Variants in TOM1 observed in about 807,000 individuals in gnomAD.
TOM1 encodes target of myb1 membrane trafficking protein, also known as target of Myb protein 1.
A neutral mutation model predicts 61.3 loss-of-function variants in TOM1; 38 were observed. That is an observed-to-expected ratio of 0.62 (90% CI 0.48 to 0.81). The LOEUF is 0.81. TOM1 is among the 40% of genes least tolerant of loss of function. The probability of loss-of-function intolerance (pLI) is 0.00; values close to 1 mark genes in which losing one functional copy is unlikely to be tolerated. For synonymous variants in TOM1, 270 were observed against 268.8 expected, an observed-to-expected ratio of 1.00 and a Z score of -0.04; for missense variants, 591 against 659.6, an observed-to-expected ratio of 0.90 and a Z score of 1.14.
At chr22:35,332,595 CACACACACACAT>C (rs757036160) in intron 8 of TOM1, among the ~76,000 whole-genome samples, 42 of 83,814 alleles carry the variant, frequency 5.0e-4, no homozygotes, top group South Asian at 2.3e-3. Flanking sequence ...AACACACACA[CACACACACACAT>C]ACACACACAC....
In TOM1 at chr22:35,333,492, G is replaced by A; in HGVS notation, c.1022G>A (p.Gly341Glu). The A allele has an allele frequency of 9.3e-6, 15 of 1,614,188 alleles. No individual in the cohort carries two copies. Among genetic ancestry groups the A allele is most frequent in the Non-Finnish European group, 1.3e-5 (15 of 1,180,014 alleles). The change falls in exon 10 of 15, where the codon GGA (glycine) becomes GAA (glutamate). Residue 341 changes from glycine (G) to glutamate (E), a missense_variant. Gly to Glu is a moderately conservative substitution (Grantham distance 98). Transcript: ENST00000449058. ...GGCAACCTCTCATCCCAGCTGGCAGGAATGAGTAAGTGTGGTTTGGAGGGC... is the reference window on the plus strand; with the variant it reads ...GGCAACCTCTCATCCCAGCTGGCAGAAATGAGTAAGTGTGGTTTGGAGGGC... Reference protein sequence around the residue: ...ATGNLSSQLAGMNLGSSSVRA... With the variant: ...ATGNLSSQLAEMNLGSSSVRA...
chr22:35,311,453 G>A (rs900967844), intron 1 of TOM1, among the ~76,000 whole-genome samples: 1 of 152,208 alleles, frequency 6.6e-6, no homozygotes, highest in Non-Finnish European at 1.5e-5. Context: ...ACTCTTTCTT[G>A]TTCTGTCCTT....
At chr22:35,334,187 G>A (rs942739806) in intron 10 of TOM1, 141 bp from the exon 11 acceptor site, 14 of 1,135,708 alleles carry the variant, frequency 1.2e-5, no homozygotes, top group South Asian at 1.6e-5. Context: ...GCCAGCAGCA[G>A]GTGGCCTGCC....
chr22:35,342,929 A>G (rs116267779), intron 12 of TOM1, among the ~76,000 whole-genome samples: 8,880 of 120,430 alleles, frequency 0.074, 384 homozygotes, highest in South Asian at 0.15. Context: ...CACACGTCAT[A>G]CCTCCACTCA....
At chr22:35,339,612 G>A (rs538198443) in intron 12 of TOM1, among the ~76,000 whole-genome samples, 1 of 152,230 alleles carries the variant, frequency 6.6e-6, no homozygotes, top group African/African-American at 2.4e-5. Context: ...AGGAATAAAA[G>A]AGCGGACCCT....
chr22:35,315,681 T>C (rs1052291854), intron 1 of TOM1, among the ~76,000 whole-genome samples: 3 of 152,118 alleles, frequency 2.0e-5, no homozygotes, highest in Non-Finnish European at 2.9e-5. Flanking sequence ...TCCGTCTGGC[T>C]CAGGACCTGA....
chr22:35,310,860 A>G (rs760400373), intron 1 of TOM1, among the ~76,000 whole-genome samples: 2 of 152,196 alleles, frequency 1.3e-5, no homozygotes, highest in Non-Finnish European at 2.9e-5. Context: ...AGATCGCCCA[A>G]CAGAGTTATT....
At chr22:35,311,405 G>A (rs1926806942) in intron 1 of TOM1, among the ~76,000 whole-genome samples, 1 of 152,230 alleles carries the variant, frequency 6.6e-6, no homozygotes, top group African/African-American at 2.4e-5. Context: ...CAGTTTCAGG[G>A]TGGGTTTGAC....
At chr22:35,330,290 G>A in intron 7 of TOM1, 57 bp from the exon 8 acceptor site, 5 of 1,502,466 alleles carry the variant, frequency 3.3e-6, no homozygotes, top group Admixed American at 4.4e-5. Context: ...AAAAAAAAAA[G>A]AGACGGCCTC....
At chr22:35,341,525 G>T (rs1331360555) in intron 12 of TOM1, among the ~76,000 whole-genome samples, 1 of 152,076 alleles carries the variant, frequency 6.6e-6, no homozygotes, top group Non-Finnish European at 1.5e-5. Flanking sequence ...GGATTCATCG[G>T]AACCAACACA....
At chr22:35,346,116 C>T (rs1930487549) in intron 13 of TOM1, among the ~76,000 whole-genome samples, 3 of 152,212 alleles carry the variant, frequency 2.0e-5, no homozygotes, top group Admixed American at 2.0e-4. Flanking sequence ...TGCAGTAGCT[C>T]AGAAGACTCC....
rs573682871 is a variant in TOM1, at chr22:35,322,042, G to A, written c.216+5G>A. 6.2e-7 allele frequency: 1 copy of A among 1,613,930 alleles called. No individual in the cohort carries two copies. The highest frequency in any genetic ancestry group is 1.1e-5 in the South Asian group (1 of 91,088). ...GAGGTGATGCTGGCTCTCACAGTGAGTGCCCCATCTGTCTGTCCTGTGGCA... is the reference window on the plus strand; with the variant it reads ...GAGGTGATGCTGGCTCTCACAGTGAATGCCCCATCTGTCTGTCCTGTGGCA... On this transcript the variant is annotated splice_donor_5th_base_variant and intron_variant, in intron 3 of 14. Transcript: ENST00000449058.
intron 1 of TOM1, among the ~76,000 whole-genome samples, chr22:35,303,491 A>C (rs1926033069): frequency 6.9e-6 from 1 of 145,222 alleles, no homozygotes; most frequent in Admixed American, 6.9e-5. Flanking sequence ...CACCATCATC[A>C]TTTTTATTAT....
intron 11 of TOM1, among the ~76,000 whole-genome samples, chr22:35,335,988 A>G (rs1357952606): frequency 6.6e-6 from 1 of 152,086 alleles, no homozygotes; most frequent in African/African-American, 2.4e-5. Flanking sequence ...CACACAGGGA[A>G]GGGGGCAGGA....
chr22:35,303,623 G>C (rs773560743), intron 1 of TOM1, among the ~76,000 whole-genome samples: 2 of 149,660 alleles, frequency 1.3e-5, no homozygotes, highest in African/African-American at 4.9e-5. Flanking sequence ...TCAGCCTCCC[G>C]AGTAGCTGGG....
At chr22:35,330,261 G>T in intron 7 of TOM1, 86 bp from the exon 8 acceptor site, 2 of 1,413,636 alleles carry the variant, frequency 1.4e-6, no homozygotes, top group Non-Finnish European at 1.9e-6. Flanking sequence ...CAGCCTGGGC[G>T]ACAGAGCTCC....
intron 13 of TOM1, among the ~76,000 whole-genome samples, 197 bp from the exon 14 acceptor site, chr22:35,346,733 T>G (rs1930530617): frequency 6.6e-6 from 1 of 151,908 alleles, no homozygotes; most frequent in South Asian, 2.1e-4. Context: ...GGAAGTCAGG[T>G]GCCACCCAAG....
At chr22:35,300,139 G>A (rs1039630553) in intron 1 of TOM1, among the ~76,000 whole-genome samples, 159 bp downstream of exon 1, 1 of 152,232 alleles carries the variant, frequency 6.6e-6, no homozygotes, top group Non-Finnish European at 1.5e-5. Context: ...TCCCACTCTT[G>A]ATTGACAAGA....
At position 35,321,784 on chromosome 22, in the gene TOM1, C is replaced by T. The variant is rs767803073; in HGVS notation, c.138-175C>T. On this transcript the variant is annotated intron_variant, in intron 2 of 14. Coordinates refer to ENST00000449058, the MANE Select transcript of TOM1 (RefSeq NM_005488.3). ...GTCCAGGGGCCACAGGTTGTGAGTC[C>T]CTGCTAAGCAATGGGCTAGGAAGAT... The T allele has an allele frequency of 1.8e-5, 13 of 724,774 alleles. No individual in the cohort carries two copies. In the South Asian group the frequency reaches 1.9e-4, roughly 11 times the overall value. 44.9% of individuals were successfully genotyped at this position (724,774 alleles called of 1,614,324 possible). A position where few individuals can be genotyped will look rare whatever the true frequency, so the allele number is the denominator to read the frequency against.
Sources: allele counts gnomAD v4.1 joint callset (sites outside exome capture counted in the v4.1 genomes callset), GRCh38; gene constraint gnomAD v4.1.1; transcripts MANE v1.5; gene names NCBI Gene and HGNC (gene_info 2026-07-23, HGNC 2026-07-21).